Variants in PTPN4 observed in about 807,000 individuals in gnomAD.
PTPN4 encodes protein tyrosine phosphatase non-receptor type 4.
PTPN4 carries 49 observed loss-of-function variants against 135.5 expected under a neutral mutation model. The ratio of observed to expected loss-of-function variants is 0.36; its 90% CI spans 0.29 to 0.46. PTPN4 has a LOEUF of 0.46. Among genes scored for constraint, PTPN4 ranks in the 20% least tolerant of loss-of-function variants. The pLI is 1.00. For missense variants in PTPN4, 860 were observed against 1,101.0 expected (o/e 0.78, Z 3.10); for synonymous variants, 333 against 369.9 (o/e 0.90, Z 1.14).
chr2:119,779,828 T>A (rs1372614215), intron 1 of PTPN4, among the ~76,000 whole-genome samples: 1 of 152,156 alleles, frequency 6.6e-6, no homozygotes, highest in Non-Finnish European at 1.5e-5. Flanking sequence ...TGCTGCAGCC[T>A]CGATTTCCCA....
chr2:119,837,248 A>G (rs1677308284), intron 2 of PTPN4, among the ~76,000 whole-genome samples: 1 of 152,128 alleles, frequency 6.6e-6, no homozygotes, highest in African/African-American at 2.4e-5. Flanking sequence ...TGTGGGAAGG[A>G]GCTACCCACT....
Position 119,977,130 on chromosome 2 carries a change from C to A in PTPN4, c.*60C>A. On this transcript the variant is annotated 3_prime_UTR_variant, in exon 27 of 27. Transcript: ENST00000263708. The stretch of plus-strand genomic sequence containing the variant: ...CTGCTTTCCCTTATGTTCACTGTGC[C>A]ATAATGCTGCTCGCAGGAAATGGCA... The A allele has an allele frequency of 2.0e-6, 3 of 1,472,772 alleles. No individual in the cohort carries two copies. Among genetic ancestry groups the A allele is most frequent in the South Asian group, 3.0e-5 (2 of 67,632 alleles). The allele number at this position is 1,472,772 out of a possible 1,614,324, so 91.2% of individuals were successfully genotyped here. A position where few individuals can be genotyped will look rare whatever the true frequency, so the allele number is the denominator to read the frequency against.
intron 1 of PTPN4, among the ~76,000 whole-genome samples, chr2:119,791,505 T>C (rs952038944): frequency 2.6e-5 from 4 of 152,354 alleles, no homozygotes; most frequent in African/African-American, 7.2e-5. Context: ...AGGTTTTGTT[T>C]CTCTGGGAAT....
chr2:119,784,860 G>A (rs1250400769), intron 1 of PTPN4, among the ~76,000 whole-genome samples: 1 of 151,972 alleles, frequency 6.6e-6, no homozygotes, highest in Non-Finnish European at 1.5e-5. Context: ...CTTGAAGGGA[G>A]GAGTGTCTGG....
chr2:119,964,313 G>T (rs1241759890), intron 24 of PTPN4, among the ~76,000 whole-genome samples: 1 of 152,192 alleles, frequency 6.6e-6, no homozygotes, highest in Non-Finnish European at 1.5e-5. Context: ...ACTGAATGCT[G>T]TAACTGGCAG....
intron 1 of PTPN4, among the ~76,000 whole-genome samples, chr2:119,784,468 G>C (rs1429528577): frequency 6.8e-6 from 1 of 147,072 alleles, no homozygotes; most frequent in Non-Finnish European, 1.5e-5. Flanking sequence ...CTCACTGCAA[G>C]CTCCGCCTCC....
intron 1 of PTPN4, among the ~76,000 whole-genome samples, chr2:119,786,619 T>G (rs543773818): frequency 3.9e-5 from 6 of 152,238 alleles, no homozygotes; most frequent in Non-Finnish European, 7.4e-5. Context: ...GACTGGATTC[T>G]GGGGATAAGT....
chr2:119,893,565 G>C, intron 9 of PTPN4, among the ~76,000 whole-genome samples: 1 of 152,166 alleles, frequency 6.6e-6, no homozygotes, highest in East Asian at 1.9e-4. Flanking sequence ...AAAATCATGA[G>C]ATGAGAGCAC....
At chr2:119,946,854 T>C (rs181799599) in intron 18 of PTPN4, among the ~76,000 whole-genome samples, 1 of 152,224 alleles carries the variant, frequency 6.6e-6, no homozygotes, top group African/African-American at 2.4e-5. Flanking sequence ...AAACAAAATA[T>C]AGACAGAGGT....
At chr2:119,954,569 A>G (rs1363778397) in intron 19 of PTPN4, among the ~76,000 whole-genome samples, 1 of 152,128 alleles carries the variant, frequency 6.6e-6, no homozygotes, top group African/African-American at 2.4e-5. Context: ...CTTCACATGT[A>G]TGTTTATAAG....
At chr2:119,867,278 T>C (rs756178950) in intron 3 of PTPN4, among the ~76,000 whole-genome samples, 10 of 152,080 alleles carry the variant, frequency 6.6e-5, no homozygotes, top group African/African-American at 9.7e-5. Flanking sequence ...CAGCAACTAA[T>C]AGACAGTTGG....
intron 8 of PTPN4, among the ~76,000 whole-genome samples, chr2:119,883,416 T>C (rs573251365): frequency 1.1e-4 from 17 of 152,204 alleles, no homozygotes; most frequent in Non-Finnish European, 1.9e-4. Flanking sequence ...ACCTTATCAA[T>C]ATTCATTCAT....
At chr2:119,772,438 C>T (rs1690752218) in intron 1 of PTPN4, among the ~76,000 whole-genome samples, 1 of 152,228 alleles carries the variant, frequency 6.6e-6, no homozygotes, top group Non-Finnish European at 1.5e-5. Flanking sequence ...GTTTTGTTAA[C>T]TAATTTGGCA....
At position 119,901,687 on chromosome 2, in the gene PTPN4, T is replaced by A. The variant is rs1169039547; in HGVS notation, c.764+881T>A. 2.0e-5 allele frequency among the ~76,000 whole-genome samples: 3 copies of A among 152,048 alleles called. No homozygotes were observed. The East Asian group carries it at 5.8e-4, about 29-fold the overall frequency. On this transcript the variant is annotated intron_variant, in intron 10 of 26. Transcript: ENST00000263708. ...ATTTTGGAAGTATTATACCAGAAAT[T>A]TAAAATAACTGTAATTAATATACTA...
intron 2 of PTPN4, among the ~76,000 whole-genome samples, chr2:119,852,613 C>G (rs1677609616): frequency 6.6e-6 from 1 of 151,838 alleles, no homozygotes; most frequent in Admixed American, 6.6e-5. Flanking sequence ...TTTGTTTTAC[C>G]AATTTTGTCT....
chr2:119,794,700 C>G (rs2104938006), intron 1 of PTPN4, among the ~76,000 whole-genome samples: 1 of 152,298 alleles, frequency 6.6e-6, no homozygotes, highest in East Asian at 1.9e-4. Flanking sequence ...CTCTCCTCCT[C>G]TCTTCTGTCC....
chr2:119,937,145 G>T (rs192862477), intron 15 of PTPN4, among the ~76,000 whole-genome samples: 4 of 152,260 alleles, frequency 2.6e-5, no homozygotes, highest in Admixed American at 1.3e-4. Context: ...ATGAGAATCA[G>T]CCAGGAGAAC....
intron 24 of PTPN4, 45 bp downstream of exon 24, chr2:119,962,789 G>T: frequency 7.3e-7 from 1 of 1,371,738 alleles, no homozygotes; most frequent in Non-Finnish European, 9.7e-7. Context: ...TGTGTTCAGG[G>T]TAAAGACTGA....
chr2:119,877,223 C>A, intron 3 of PTPN4, 100 bp from the exon 4 acceptor site: 6 of 1,317,778 alleles, frequency 4.6e-6, no homozygotes, highest in Non-Finnish European at 6.2e-6. Context: ...TTCTGAAATG[C>A]AGCTTTTAGC....
Sources: allele counts gnomAD v4.1 joint callset (sites outside exome capture counted in the v4.1 genomes callset), GRCh38; gene constraint gnomAD v4.1.1; transcripts MANE v1.5; gene names NCBI Gene and HGNC (gene_info 2026-07-23, HGNC 2026-07-21).